GORASP2: variants seen among roughly 807,000 people sequenced by gnomAD.
The protein encoded by GORASP2 is Golgi reassembly-stacking protein 2.
Under a neutral mutation model 45.7 loss-of-function variants are expected in GORASP2, and 22 were observed. That is an observed-to-expected ratio of 0.48 (90% CI 0.34 to 0.69). The LOEUF is 0.69. Among genes scored for constraint, GORASP2 ranks in the 30% least tolerant of loss-of-function variants. The probability of loss-of-function intolerance (pLI) is 0.01; values close to 1 mark genes in which losing one functional copy is unlikely to be tolerated. For missense variants in GORASP2, 491 were observed against 562.7 expected (o/e 0.87, Z 1.29); for synonymous variants, 221 against 215.6 (o/e 1.02, Z -0.22).
chr2:170,946,893 T>C (rs1265627705), intron 1 of GORASP2, among the ~76,000 whole-genome samples: 2 of 152,124 alleles, frequency 1.3e-5, no homozygotes, highest in Non-Finnish European at 2.9e-5. Flanking sequence ...TAAGCCGAGA[T>C]TGTGTCACTG....
intron 9 of GORASP2, among the ~76,000 whole-genome samples, chr2:170,963,868 T>C (rs1704628101): frequency 6.6e-6 from 1 of 152,102 alleles, no homozygotes; most frequent in Non-Finnish European, 1.5e-5. Flanking sequence ...TGGTCTTGAA[T>C]TCCTGGGCTC....
chr2:170,929,383 G>A lies in GORASP2; in HGVS notation c.43G>A (p.Glu15Lys). 1.4e-6 allele frequency: 2 copies of A among 1,419,598 alleles called. No individual in the cohort carries two copies. The highest frequency in any genetic ancestry group is 1.8e-6 in the Non-Finnish European group (2 of 1,084,854). 87.9% of individuals were successfully genotyped at this position (1,419,598 alleles called of 1,614,324 possible). ...CGTCGAGATCCCGGGCGGGGGCACC[G>A]AGGGCTACCACGTTCTGCGGGTAAG... ...QSVEIPGGGTEGYHVLRVQEN... is the reference protein window; with the variant it reads ...QSVEIPGGGTKGYHVLRVQEN... The change falls in exon 1 of 10, where the codon GAG (glutamate) becomes AAG (lysine). Residue 15 changes from glutamate (E) to lysine (K), a missense_variant. Coordinates refer to ENST00000234160, the MANE Select transcript of GORASP2 (RefSeq NM_015530.5).
Position 170,966,227 on chromosome 2 carries a change from A to G in GORASP2, c.*97A>G, listed in dbSNP as rs1239659560. On this transcript the variant is annotated 3_prime_UTR_variant, in exon 10 of 10. Coordinates refer to ENST00000234160, the MANE Select transcript of GORASP2 (RefSeq NM_015530.5). The stretch of plus-strand genomic sequence containing the variant: ...TTAATTTCATACTAGTTTGTACCGT[A>G]TCTGTAGGCATCCTGTAAATAATTC... 28 of 828,902 alleles carry G rather than the reference A, an allele frequency of 3.4e-5. No individual in the cohort carries two copies. Among genetic ancestry groups the G allele is most frequent in the Non-Finnish European group, 5.4e-5 (27 of 499,782 alleles). The allele number at this position is 828,902 out of a possible 1,614,324, so 51.3% of individuals were successfully genotyped here.
At chr2:170,929,053 C>G (rs1340498113), upstream of GORASP2, 1 of 349,312 alleles carries the variant, frequency 2.9e-6, no homozygotes, top group Middle Eastern at 7.4e-4. Flanking sequence ...TCTGTTCTCT[C>G]GCGAGCACGA....
At position 170,956,441 on chromosome 2, in the gene GORASP2, G is replaced by T. The variant is rs139789336; in HGVS notation, c.705G>T (p.Gln235His). Residue 235 changes from glutamine (Q) to histidine (H), a missense_variant, in exon 7 of 10, where the codon CAG becomes CAT. By Grantham distance (24) the Gln-to-His change is conservative (BLOSUM62 0). Transcript: ENST00000234160. ...TPLKDGFTEVQLSSVNPPSLS... is the reference protein window; with the variant it reads ...TPLKDGFTEVHLSSVNPPSLS... ...TTTTTTTCTTTTTTTGGAAGGTCCA[G>T]CTGTCCTCAGTTAATCCCCCGTCTT... 132 of 1,608,728 alleles carry T rather than the reference G, an allele frequency of 8.2e-5. 1 individual carries two copies. The highest frequency in any genetic ancestry group is 1.1e-4 in the Non-Finnish European group (128 of 1,178,540).
chr2:170,957,328 G>A (rs1457628144), intron 7 of GORASP2, among the ~76,000 whole-genome samples: 1 of 152,052 alleles, frequency 6.6e-6, no homozygotes, highest in Non-Finnish European at 1.5e-5. Context: ...CCAGGCCGGA[G>A]TACAATGGCA....
chr2:170,958,672 TTTAAAA>T (rs1421355848), intron 7 of GORASP2, among the ~76,000 whole-genome samples: 4 of 73,564 alleles, frequency 5.4e-5, no homozygotes, highest in Non-Finnish European at 1.3e-4. Context: ...TTTTTTTTTT[TTTAAAA>T]AAAAAAAAAA....
chr2:170,939,687 G>A (rs1704029920), intron 1 of GORASP2, among the ~76,000 whole-genome samples: 2 of 152,090 alleles, frequency 1.3e-5, no homozygotes, highest in Admixed American at 6.5e-5. Context: ...GTAGGGTTTG[G>A]TACTCTGCAA....
At chr2:170,964,269 T>C (rs1704637420) in intron 9 of GORASP2, among the ~76,000 whole-genome samples, 1 of 152,258 alleles carries the variant, frequency 6.6e-6, no homozygotes, top group South Asian at 2.1e-4. Flanking sequence ...CACCATCTTG[T>C]TTCTGTCTAG....
chr2:170,938,372 C>T (rs1359325003), intron 1 of GORASP2, among the ~76,000 whole-genome samples: 2 of 152,230 alleles, frequency 1.3e-5, no homozygotes, highest in Non-Finnish European at 2.9e-5. Context: ...TACTTTACTG[C>T]TGTTTAAAAC....
At position 170,938,464 on chromosome 2, in the gene GORASP2, C is replaced by A. The variant is rs537040411; in HGVS notation, c.63+9061C>A. Among the ~76,000 whole-genome samples, 19 of 152,306 alleles carry A rather than the reference C, an allele frequency of 1.2e-4. 1 individual carries two copies. The South Asian group carries it at 3.9e-3, about 32-fold the overall frequency. ...ATGGTGCCTGTTAATTTCCTCTGAT[C>A]CTCATTTTTAAGGAAATTGTTTTTT... On this transcript the variant is annotated intron_variant, in intron 1 of 9. Transcript: ENST00000234160.
rs545772806 is a variant in GORASP2, at chr2:170,945,618, A to G, written c.64-2732A>G. On this transcript the variant is annotated intron_variant, in intron 1 of 9. Transcript: ENST00000234160. ...CCCAAATTTGCAGGGAAACATAAAA[A>G]ACATGATCAAACAGTTTTAGGGAGT... 2.0e-5 allele frequency among the ~76,000 whole-genome samples: 3 copies of G among 152,342 alleles called. No homozygotes were observed. The South Asian group carries it at 6.2e-4, about 32-fold the overall frequency.
Position 170,966,057 on chromosome 2 carries a change from T to G in GORASP2, c.1286T>G (p.Val429Gly). Reference protein sequence around the residue: ...AKAPTTVEDRVGDSTPVSEKP... With the variant: ...AKAPTTVEDRGGDSTPVSEKP... ...GCCCCCACCACCGTTGAGGACAGAG[T>G]CGGCGACTCCACCCCAGTCAGCGAG... Residue 429 changes from valine (V) to glycine (G), a missense_variant, in exon 10 of 10, where the codon GTC becomes GGC. Val to Gly is a moderately radical substitution (Grantham distance 109). Coordinates refer to ENST00000234160, the MANE Select transcript of GORASP2 (RefSeq NM_015530.5). 8 of 1,612,920 alleles carry G rather than the reference T, an allele frequency of 5.0e-6. No homozygotes were observed. Among genetic ancestry groups the G allele is most frequent in the Non-Finnish European group, 5.9e-6 (7 of 1,179,696 alleles).
intron 6 of GORASP2, among the ~76,000 whole-genome samples, chr2:170,956,075 G>A (rs1450872358): frequency 2.6e-5 from 4 of 152,180 alleles, no homozygotes; most frequent in African/African-American, 9.7e-5. Context: ...AAACCAGCTG[G>A]GAATTCAGGA....
chr2:170,949,527 A>T lies in GORASP2; in HGVS notation c.145-12A>T, dbSNP rs375691634. ...TTATTTACTAAGGAATGTGATTTCT[A>T]TGTGTTCACAGAATAAAGACAATGA... On this transcript the variant is annotated splice_polypyrimidine_tract_variant and intron_variant, in intron 2 of 9. Transcript: ENST00000234160. The T allele has an allele frequency of 7.5e-6, 12 of 1,601,882 alleles. No individual in the cohort carries two copies. The East Asian group carries it at 2.5e-4, about 33-fold the overall frequency.
At chr2:170,961,808 C>T (rs1704568378) in intron 8 of GORASP2, 59 bp downstream of exon 8, 1 of 881,142 alleles carries the variant, frequency 1.1e-6, no homozygotes, top group Non-Finnish European at 2.0e-6. Flanking sequence ...ATATTTGCAT[C>T]TTAAAAACAA....
chr2:170,930,103 G>C (rs1436635026), intron 1 of GORASP2, among the ~76,000 whole-genome samples: 1 of 152,238 alleles, frequency 6.6e-6, no homozygotes, highest in Non-Finnish European at 1.5e-5. Flanking sequence ...TAGATCCACA[G>C]TGGTAAAGAG....
chr2:170,929,676 A>T, intron 1 of GORASP2: 1 of 627,356 alleles, frequency 1.6e-6, no homozygotes, highest in Non-Finnish European at 3.0e-6. Flanking sequence ...GGCCCTGGGA[A>T]GGGGGGACAA....
chr2:170,936,733 G>C, intron 1 of GORASP2: 1 of 910,266 alleles, frequency 1.1e-6, no homozygotes, highest in Non-Finnish European at 1.6e-6. Context: ...CTGAGGTGAG[G>C]TGGGGGCCCA....
Sources: allele counts gnomAD v4.1 joint callset (sites outside exome capture counted in the v4.1 genomes callset), GRCh38; gene constraint gnomAD v4.1.1; transcripts MANE v1.5; gene names NCBI Gene and HGNC (gene_info 2026-07-23, HGNC 2026-07-21).